WWC2: variants seen among roughly 807,000 people sequenced by gnomAD.
WWC2 encodes WW and C2 domain containing 2, also known as protein WWC2.
Under a neutral mutation model 138.5 loss-of-function variants are expected in WWC2, and 101 were observed. The observed-to-expected ratio is 0.73, with a 90% CI of 0.62 to 0.86. The LOEUF (loss-of-function observed/expected upper bound fraction) is 0.86. WWC2 is among the 40% of genes least tolerant of loss of function. The probability of loss-of-function intolerance (pLI) is 0.00; values close to 1 mark genes in which losing one functional copy is unlikely to be tolerated. For missense variants in WWC2, 1,420 were observed against 1,419.4 expected (o/e 1.00, Z -0.01); for synonymous variants, 558 against 538.4 (o/e 1.04, Z -0.50).
chr4:183,189,799 G>A (rs1046084020), intron 1 of WWC2, among the ~76,000 whole-genome samples: 3 of 152,132 alleles, frequency 2.0e-5, no homozygotes, highest in Non-Finnish European at 4.4e-5. Flanking sequence ...TTTTTTTTAA[G>A]TGCTTATTCA....
rs1308857918 is a variant in WWC2, at chr4:183,282,762, A to G, written c.2739A>G (p.Glu913=). 1 of 1,580,668 alleles carries G rather than the reference A, an allele frequency of 6.3e-7. No individual in the cohort carries two copies. The highest frequency in any genetic ancestry group is 1.3e-5 in the African/African-American group (1 of 74,430). Residue 913 remains glutamate, a synonymous_variant, in exon 18 of 23, where the codon GAA becomes GAG. Transcript: ENST00000403733. ...SDEIVAEKEA[E]VKLPEDSSCT... is the part of the protein sequence containing the mutation. The stretch of plus-strand genomic sequence containing the variant: ...AAATTGTGGCTGAAAAAGAGGCTGA[A>G]GTTAAATTGCCAGAGGACAGTAGCT...
intron 1 of WWC2, among the ~76,000 whole-genome samples, chr4:183,108,922 T>C (rs1349419205): frequency 6.6e-6 from 1 of 152,240 alleles, no homozygotes; most frequent in African/African-American, 2.4e-5. Context: ...TTGTAGTTAA[T>C]TTTATTAATG....
chr4:183,215,565 C>G lies in WWC2; in HGVS notation c.522+6540C>G, dbSNP rs372800181. ...ATTAAAATGTATAGCACAGTAGTGTCTTCTTTCAAAAGCATACCAGAATTT... is the reference window on the plus strand; with the variant it reads ...ATTAAAATGTATAGCACAGTAGTGTGTTCTTTCAAAAGCATACCAGAATTT... On this transcript the variant is annotated intron_variant, in intron 4 of 22. Transcript: ENST00000403733. 4.7e-4 allele frequency among the ~76,000 whole-genome samples: 71 copies of G among 152,208 alleles called. 1 individual carries two copies. In the East Asian group the frequency reaches 9.7e-3, roughly 21 times the overall value.
intron 21 of WWC2, among the ~76,000 whole-genome samples, chr4:183,300,283 C>T (rs779976965): frequency 6.6e-6 from 1 of 151,768 alleles, no homozygotes; most frequent in African/African-American, 2.4e-5. Flanking sequence ...AAAAGCATGC[C>T]GAGAGAGGAC....
intron 16 of WWC2, among the ~76,000 whole-genome samples, chr4:183,279,205 A>G (rs1243695858): frequency 3.3e-5 from 5 of 152,048 alleles, no homozygotes; most frequent in African/African-American, 9.7e-5. Context: ...AATTTTGTCA[A>G]AGGCTTTTTC....
chr4:183,295,666 T>C (rs1180977203), intron 21 of WWC2, among the ~76,000 whole-genome samples: 2 of 152,232 alleles, frequency 1.3e-5, no homozygotes, highest in Non-Finnish European at 2.9e-5. Context: ...TTTGGCAGAC[T>C]GTTCTGAAAC....
At chr4:183,199,284 C>T (rs546668081) in intron 2 of WWC2, among the ~76,000 whole-genome samples, 10 of 152,110 alleles carry the variant, frequency 6.6e-5, no homozygotes, top group East Asian at 3.9e-4. Flanking sequence ...GTTCTTTTGT[C>T]GGGAATCTTT....
At chr4:183,184,847 T>C (rs987494756) in intron 1 of WWC2, among the ~76,000 whole-genome samples, 7 of 152,232 alleles carry the variant, frequency 4.6e-5, no homozygotes, top group African/African-American at 1.7e-4. Flanking sequence ...AGAAAGGAAA[T>C]GTTTACTTAA....
chr4:183,232,120 C>T (rs905618915), intron 4 of WWC2, among the ~76,000 whole-genome samples: 2 of 152,078 alleles, frequency 1.3e-5, no homozygotes, highest in African/African-American at 4.8e-5. Context: ...GCCATTTGAC[C>T]ATATGTTTAT....
intron 2 of WWC2, among the ~76,000 whole-genome samples, chr4:183,196,470 C>T (rs780056700): frequency 7.2e-5 from 11 of 152,232 alleles, no homozygotes; most frequent in Non-Finnish European, 1.6e-4. Context: ...AGTCTTTAGT[C>T]TTCTGCTGTT....
intron 4 of WWC2, among the ~76,000 whole-genome samples, chr4:183,226,099 T>TC (rs1171333595): frequency 4.7e-5 from 7 of 147,924 alleles, no homozygotes; most frequent in Non-Finnish European, 7.5e-5. Context: ...TCTTTTCTTT[T>TC]TTTTTTTTTT....
At chr4:183,125,248 G>A (rs918706230) in intron 1 of WWC2, among the ~76,000 whole-genome samples, 1 of 152,072 alleles carries the variant, frequency 6.6e-6, no homozygotes, top group African/African-American at 2.4e-5. Context: ...CAGTTCAAGG[G>A]TATCATGAAA....
chr4:183,280,938 G>A (rs1195391313), intron 17 of WWC2, 41 bp downstream of exon 17: 3 of 1,536,704 alleles, frequency 2.0e-6, no homozygotes, highest in Non-Finnish European at 2.6e-6. Flanking sequence ...GCTCAAAGAT[G>A]ATGTGTTTAC....
chr4:183,260,547 T>C (rs1737290468), intron 10 of WWC2, among the ~76,000 whole-genome samples: 1 of 152,238 alleles, frequency 6.6e-6, no homozygotes, highest in African/African-American at 2.4e-5. Context: ...ACACAAATAC[T>C]ACCATTGTGT....
In WWC2 at chr4:183,155,226, T is replaced by G. The variant is rs879933004; in HGVS notation, c.132-38373T>G. Among the ~76,000 whole-genome samples the G allele has an allele frequency of 1.2e-3, 72 of 61,156 alleles. 1 individual carries two copies. The highest frequency in any genetic ancestry group is 1.9e-3 in the Non-Finnish European group (57 of 29,734). 40.1% of individuals were successfully genotyped at this position (61,156 alleles called of 152,430 possible). ...AGAGAGAGAGAGAGAGAGAGAGAGT[T>G]AGTTGACGTGGTGAGGACAGGCTTC... On this transcript the variant is annotated intron_variant, in intron 1 of 22. Coordinates refer to ENST00000403733, the MANE Select transcript of WWC2 (RefSeq NM_024949.6).
intron 1 of WWC2, among the ~76,000 whole-genome samples, chr4:183,135,703 C>T (rs927880068): frequency 7.2e-5 from 11 of 152,170 alleles, no homozygotes; most frequent in African/African-American, 2.7e-4. Flanking sequence ...GCTGGGATCA[C>T]TTTCTTTCCT....
rs1739601641 is a variant in WWC2, at chr4:183,320,282, T to TGAC, written c.*4554_*4556dup. ...CCTTCGGTTGCTGTGAAAAGAAGTG[T>TGAC]GACACTTGTGTTATAACTTATGAAA... On this transcript the variant is annotated 3_prime_UTR_variant, in exon 23 of 23. Transcript: ENST00000403733. The TGAC allele has an allele frequency of 1.4e-6, 2 of 1,404,386 alleles. No individual in the cohort carries two copies. Among genetic ancestry groups the TGAC allele is most frequent in the African/African-American group, 2.9e-5 (2 of 69,672 alleles). 87.0% of individuals were successfully genotyped at this position (1,404,386 alleles called of 1,614,324 possible).
intron 15 of WWC2, 189 bp downstream of exon 15, chr4:183,269,352 T>C: frequency 1.4e-6 from 1 of 730,734 alleles, no homozygotes; most frequent in Non-Finnish European, 2.5e-6. Context: ...TTCCAGACCT[T>C]TAAAATCTGC....
At chr4:183,200,533 A>G (rs989285632) in intron 2 of WWC2, among the ~76,000 whole-genome samples, 1 of 152,110 alleles carries the variant, frequency 6.6e-6, no homozygotes, top group African/African-American at 2.4e-5. Context: ...GAATCTAGGC[A>G]AGACTTAGCT....
Sources: allele counts gnomAD v4.1 joint callset (sites outside exome capture counted in the v4.1 genomes callset), GRCh38; gene constraint gnomAD v4.1.1; transcripts MANE v1.5; gene names NCBI Gene and HGNC (gene_info 2026-07-23, HGNC 2026-07-21).